ZNF831: variants seen among roughly 807,000 people sequenced by gnomAD.
The protein encoded by ZNF831 is chromosome 20 open reading frame 174.
In ZNF831, 59 loss-of-function variants were observed where a neutral mutation model predicts 95.8. That is an observed-to-expected ratio of 0.62 (90% CI 0.50 to 0.77). The LOEUF (loss-of-function observed/expected upper bound fraction) is 0.77, where lower values mean the gene tolerates loss of function less well. Among genes scored for constraint, ZNF831 ranks in the 30% least tolerant of loss-of-function variants. ZNF831 has a pLI of 0.00. For synonymous variants in ZNF831, 961 were observed against 925.5 expected (o/e 1.04, Z -0.70); for missense variants, 2,205 against 2,164.0 (o/e 1.02, Z -0.38).
rs2146773326 is a variant in ZNF831, at chr20:59,254,649, A to G, written c.4940A>G (p.Lys1647Arg). 1.2e-6 allele frequency: 2 copies of G among 1,614,140 alleles called. No homozygotes were observed. The highest frequency in any genetic ancestry group is 1.7e-6 in the Non-Finnish European group (2 of 1,180,040). ...CCTGAAGCCCCTTCTAAATCCCTCAAGAAGAGGAGTCTGGAAGGAATGAGA... is the reference window on the plus strand; with the variant it reads ...CCTGAAGCCCCTTCTAAATCCCTCAGGAAGAGGAGTCTGGAAGGAATGAGA... ...EIPEAPSKSL[K>R]KRSLEGMRKQ... is the part of the protein sequence containing the mutation. Residue 1647 changes from lysine to arginine, a missense_variant, in exon 6 of 6, where the codon AAG becomes AGG. By Grantham distance (26) the Lys-to-Arg change is conservative. Transcript: ENST00000371030. The surrounding 1 kb of genome is among the most constrained non-coding windows in gnomAD (Gnocchi z 4.5).
intron 1 of ZNF831, among the ~76,000 whole-genome samples, chr20:59,174,831 T>G (rs73306892): frequency 0.022 from 3,384 of 152,352 alleles, 146 homozygotes; most frequent in African/African-American, 0.078. Context: ...CTGTTTCCAT[T>G]GTTCTTTTTT....
intron 1 of ZNF831, among the ~76,000 whole-genome samples, chr20:59,170,121 T>G (rs1568736602): frequency 2.0e-5 from 3 of 152,168 alleles, no homozygotes; most frequent in Non-Finnish European, 1.5e-5. Context: ...TTTTTCTTTT[T>G]AAACAATTAA....
chr20:59,206,066 T>C (rs1984872118), intron 3 of ZNF831, among the ~76,000 whole-genome samples: 1 of 152,256 alleles, frequency 6.6e-6, no homozygotes, highest in African/African-American at 2.4e-5. Flanking sequence ...TTTCTTTCTC[T>C]ACTGTCATCA....
rs768044968 is a variant in ZNF831 at position 59,194,092 on chromosome 20, G to C, written c.3073G>C (p.Asp1025His). Residue 1025 changes from aspartate (D) to histidine (H), a missense_variant, in exon 2 of 6, where the codon GAC becomes CAC. Physicochemically the swap from Asp to His is moderately conservative, Grantham distance 81 (BLOSUM62 -1). Coordinates refer to ENST00000371030, the MANE Select transcript of ZNF831 (RefSeq NM_178457.3). ...GAGAAAAGGGGCACAGTTGGGGGGG[G>C]ACAAGGGGGACAGGATGGCCACTAG... Reference protein sequence around the residue: ...DGRKGAQLGGDKGDRMATSRP... With the variant: ...DGRKGAQLGGHKGDRMATSRP... 4 of 1,545,822 alleles carry C rather than the reference G, an allele frequency of 2.6e-6. No homozygotes were observed. The Admixed American group carries it at 7.6e-5, about 30-fold the overall frequency.
rs1402133176 is a variant in ZNF831 at position 59,192,361 on chromosome 20, T to A, written c.1342T>A (p.Tyr448Asn). The change falls in exon 2 of 6, where the codon TAC becomes AAC. Residue 448 changes from tyrosine to asparagine, a missense_variant. By Grantham distance (143) the Tyr-to-Asn change is moderately radical (BLOSUM62 -2). Transcript: ENST00000371030. The surrounding 1 kb of genome is among the most constrained non-coding windows in gnomAD (Gnocchi z 5.2). ...CATCGACCTGCCCACGCCCTACACC[T>A]ACAAGGACTCCTTCCACTTTGACAT... Reference protein sequence around the residue: ...GSIDLPTPYTYKDSFHFDIRA... With the variant: ...GSIDLPTPYTNKDSFHFDIRA... The A allele has an allele frequency of 1.9e-6, 3 of 1,611,424 alleles. No individual in the cohort carries two copies. The highest frequency in any genetic ancestry group is 2.5e-6 in the Non-Finnish European group (3 of 1,179,182).
rs528377975 is a variant in ZNF831 at position 59,232,392 on chromosome 20, G to A, written c.4028-20586G>A. On this transcript the variant is annotated intron_variant, in intron 4 of 5. Transcript: ENST00000371030. ...GCAGAGTCAAATCATTATTGATCTC[G>A]CTCATGGGGGTAGGAGGAAAGAACT... Among the ~76,000 whole-genome samples the A allele has an allele frequency of 7.9e-5, 12 of 151,874 alleles. No homozygotes were observed. The East Asian group carries it at 1.4e-3, about 17-fold the overall frequency.
chr20:59,241,349 G>C (rs915044294), intron 4 of ZNF831, among the ~76,000 whole-genome samples: 4 of 150,786 alleles, frequency 2.7e-5, no homozygotes, highest in Non-Finnish European at 5.9e-5. Flanking sequence ...ACCATTGAGA[G>C]GCTTTTGCTG....
In ZNF831 at chr20:59,191,087, C is replaced by T. The variant is rs749176900; in HGVS notation, c.68C>T (p.Pro23Leu). 4 of 1,544,072 alleles carry T rather than the reference C, an allele frequency of 2.6e-6. No homozygotes were observed. The highest frequency in any genetic ancestry group is 3.5e-6 in the Non-Finnish European group (4 of 1,152,948). Residue 23 changes from proline to leucine, a missense_variant, in exon 2 of 6, where the codon CCT becomes CTT. Pro to Leu is a moderately conservative substitution (Grantham distance 98). Transcript: ENST00000371030. ...GACCAGCCAGCTCCCACTCCTGGCC[C>T]TCCAGGGGCCCCAGGTGGCCAGGCC... ...ARDQPAPTPG[P>L]PGAPGGQASP...
At chr20:59,205,033 G>A (rs1206497199) in intron 3 of ZNF831, among the ~76,000 whole-genome samples, 1 of 152,132 alleles carries the variant, frequency 6.6e-6, no homozygotes, top group African/African-American at 2.4e-5. Context: ...CAGAGGCGGG[G>A]CCTTTCCTAG....
intron 2 of ZNF831, among the ~76,000 whole-genome samples, chr20:59,158,394 G>A (rs1980658103): frequency 6.6e-6 from 1 of 152,256 alleles, no homozygotes. Context: ...TGCTGCACAG[G>A]GAGAGGGGAC....
chr20:59,233,289 C>T (rs958705159), intron 4 of ZNF831, among the ~76,000 whole-genome samples: 2 of 152,048 alleles, frequency 1.3e-5, no homozygotes, highest in Admixed American at 6.6e-5. Context: ...CAGTGGCTGG[C>T]GCAGTGAGCT....
chr20:59,225,787 G>T (rs190246398), intron 4 of ZNF831, among the ~76,000 whole-genome samples: 6 of 152,322 alleles, frequency 3.9e-5, no homozygotes, highest in Admixed American at 3.9e-4. Flanking sequence ...TGCAATGTCT[G>T]TAAGAGTTAG....
At chr20:59,170,184 G>T (rs1200792381) in intron 1 of ZNF831, among the ~76,000 whole-genome samples, 1 of 151,996 alleles carries the variant, frequency 6.6e-6, no homozygotes, top group East Asian at 1.9e-4. Flanking sequence ...GTATATATTT[G>T]TGGGGTACAT....
chr20:59,184,755 A>T (rs1317247531), intron 1 of ZNF831, among the ~76,000 whole-genome samples: 1 of 152,194 alleles, frequency 6.6e-6, no homozygotes, highest in East Asian at 1.9e-4. Context: ...TGTAAATTCT[A>T]AAAACCTACT....
rs2146552508 is a variant in ZNF831, at chr20:59,191,718, G to A, written c.699G>A (p.Arg233=). ...GACCAGAGGGCAGGGGCGAGAGCAGGTGCCAGGGGATGCACGAAGGCGCCT... is the reference window on the plus strand; with the variant it reads ...GACCAGAGGGCAGGGGCGAGAGCAGATGCCAGGGGATGCACGAAGGCGCCT... The part of the protein sequence containing the change: ...PPRPEGRGES[R]CQGMHEGASE... Residue 233 remains arginine (R), a synonymous_variant, in exon 2 of 6, where the codon AGG becomes AGA. Coordinates refer to ENST00000371030, the MANE Select transcript of ZNF831 (RefSeq NM_178457.3). 6.3e-7 allele frequency: 1 copy of A among 1,580,110 alleles called. No individual in the cohort carries two copies.
At chr20:59,168,214 A>G (rs1336726206) in intron 1 of ZNF831, among the ~76,000 whole-genome samples, 5 of 152,252 alleles carry the variant, frequency 3.3e-5, no homozygotes, top group Admixed American at 2.6e-4. Context: ...GAATCTTCCA[A>G]TGCATGAACA....
chr20:59,253,560 C>T (rs1025481988), intron 5 of ZNF831, among the ~76,000 whole-genome samples: 2 of 152,248 alleles, frequency 1.3e-5, no homozygotes, highest in Non-Finnish European at 2.9e-5. Flanking sequence ...ATACACAGTC[C>T]TATAAAATAG....
chr20:59,193,253 G>A lies in ZNF831; in HGVS notation c.2234G>A (p.Arg745Lys), dbSNP rs1201643722. The A allele has an allele frequency of 2.5e-6, 4 of 1,606,208 alleles. No homozygotes were observed. The highest frequency in any genetic ancestry group is 3.4e-6 in the Non-Finnish European group (4 of 1,176,442). ...GGRDSPCSGS[R>K]SPLVSPNGRL... ...AGAGACAGTCCCTGTTCAGGCAGTA[G>A]GAGCCCCCTGGTCTCTCCAAATGGG... The change falls in exon 2 of 6, where the codon AGG becomes AAG. Residue 745 changes from arginine (R) to lysine (K), a missense_variant. Coordinates refer to ENST00000371030, the MANE Select transcript of ZNF831 (RefSeq NM_178457.3).
chr20:59,126,214 C>G (rs1354782592), intron 1 of ZNF831, among the ~76,000 whole-genome samples: 1 of 152,198 alleles, frequency 6.6e-6, no homozygotes, highest in East Asian at 1.9e-4. Flanking sequence ...TGCTCTTGAA[C>G]AGCCCCCTCT....
Sources: allele counts gnomAD v4.1 joint callset (sites outside exome capture counted in the v4.1 genomes callset), GRCh38; gene constraint gnomAD v4.1.1; non-coding constraint Gnocchi (gnomAD v3.1); transcripts MANE v1.5; gene names NCBI Gene and HGNC (gene_info 2026-07-23, HGNC 2026-07-21).